The following PCBP2 variants were observed in gnomAD, a reference collection of about 807,000 sequenced individuals.
PCBP2 encodes the protein poly(rC) binding protein 2.
Under a neutral mutation model 50.1 loss-of-function variants are expected in PCBP2, and 4 were observed. The ratio of observed to expected loss-of-function variants is 0.08; its 90% CI spans 0.04 to 0.18. PCBP2 has a LOEUF of 0.18. PCBP2 is among the 10% of genes least tolerant of loss of function. The pLI is 1.00. For missense variants in PCBP2, 161 were observed against 474.3 expected (o/e 0.34, Z 6.14); for synonymous variants, 179 against 168.0 (o/e 1.07, Z -0.51).
rs371900794 is a variant in PCBP2 at position 53,459,415 on chromosome 12, T to C, written c.375+12T>C. 1.7e-5 allele frequency: 27 copies of C among 1,603,728 alleles called. No individual in the cohort carries two copies. In the Admixed American group the frequency reaches 4.1e-4, roughly 24 times the overall value. ...AGGAAATACGAGAGGTTAGTGACTT[T>C]TGTCGTCCTTTTAGAAATGTTAACT... On this transcript the variant is annotated intron_variant, in intron 6 of 14. Coordinates refer to ENST00000546463, the MANE Select transcript of PCBP2 (RefSeq NM_031989.5).
chr12:53,459,798 A>G (rs1409851728), intron 6 of PCBP2: 1 of 425,096 alleles, frequency 2.4e-6, no homozygotes, highest in East Asian at 7.4e-5. Flanking sequence ...CTGTCTCCCC[A>G]GGCTGGAGTG....
At chr12:53,475,785 C>T (rs751339206) in intron 14 of PCBP2, 1 of 152,072 alleles carries the variant, frequency 6.6e-6, no homozygotes, top group Non-Finnish European at 1.5e-5. Flanking sequence ...GTCAATATTT[C>T]CACAAAGAGA....
intron 6 of PCBP2, among the ~76,000 whole-genome samples, 175 bp downstream of exon 6, chr12:53,459,578 A>C (rs1201150665): frequency 6.6e-6 from 1 of 152,210 alleles, no homozygotes; most frequent in Non-Finnish European, 1.5e-5. Context: ...TATTTTGCAT[A>C]ATTCATAAAT....
In PCBP2 at chr12:53,480,985, CTCAT is replaced by C. The variant is rs1943012369; in HGVS notation, c.*1549_*1552del. The stretch of plus-strand genomic sequence containing the variant: ...CTTAGCCACAGCTCTACGGCTGTGC[CTCAT>C]TCATTTCCACAGCTGCCAGTGTCCC... On this transcript the variant is annotated 3_prime_UTR_variant, in exon 15 of 15. Transcript: ENST00000546463. 5.2e-6 allele frequency: 1 copy of C among 191,272 alleles called. No individual in the cohort carries two copies. The highest frequency in any genetic ancestry group is 2.4e-5 in the African/African-American group (1 of 42,290). 11.8% of individuals were successfully genotyped at this position (191,272 alleles called of 1,614,324 possible). A position where few individuals can be genotyped will look rare whatever the true frequency, so the allele number is the denominator to read the frequency against.
intron 8 of PCBP2, 141 bp from the exon 9 acceptor site, chr12:53,464,619 C>T (rs1941693705): frequency 8.6e-6 from 10 of 1,156,504 alleles, no homozygotes; most frequent in African/African-American, 1.6e-5. Flanking sequence ...TCACTGATTA[C>T]AGCTCGTTTC....
At chr12:53,472,108 A>G (rs988626947) in intron 14 of PCBP2, among the ~76,000 whole-genome samples, 1 of 152,088 alleles carries the variant, frequency 6.6e-6, no homozygotes, top group Non-Finnish European at 1.5e-5. Context: ...CACTCACAAA[A>G]TCAAATGTGG....
At chr12:53,459,229 G>T in intron 5 of PCBP2, 43 bp from the exon 6 acceptor site, 1 of 1,532,300 alleles carries the variant, frequency 6.5e-7, no homozygotes, top group Non-Finnish European at 8.8e-7. Context: ...GCAGTTACTA[G>T]TTTCCAGGGA....
chr12:53,475,372 G>C (rs1003248721), intron 14 of PCBP2: 1 of 355,552 alleles, frequency 2.8e-6, no homozygotes, highest in Non-Finnish European at 5.6e-6. Context: ...GGTAACCCTT[G>C]TTTAGGTTTA....
rs1255717486 is a variant in PCBP2 at position 53,480,105 on chromosome 12, G to C, written c.*663G>C. On this transcript the variant is annotated 3_prime_UTR_variant, in exon 15 of 15. Coordinates refer to ENST00000546463, the MANE Select transcript of PCBP2 (RefSeq NM_031989.5). ...GGAGTAGGCAAGCACTTCCACTAGGGAGGGGGTGGGGGAAAGGAATGACAC... is the reference window on the plus strand; with the variant it reads ...GGAGTAGGCAAGCACTTCCACTAGGCAGGGGGTGGGGGAAAGGAATGACAC... 2.0e-5 allele frequency: 3 copies of C among 152,046 alleles called. No homozygotes were observed. The highest frequency in any genetic ancestry group is 4.4e-5 in the Non-Finnish European group (3 of 68,008). The allele number at this position is 152,046 out of a possible 1,614,324, so 9.4% of individuals were successfully genotyped here.
intron 12 of PCBP2, 128 bp downstream of exon 12, chr12:53,467,971 A>AT: frequency 1.3e-6 from 1 of 788,318 alleles, no homozygotes; most frequent in Non-Finnish European, 2.1e-6. Flanking sequence ...TGAGAGAGCA[A>AT]AGGGGTGGGC....
chr12:53,468,916 C>CTTT, intron 13 of PCBP2, 84 bp downstream of exon 13: 1 of 841,380 alleles, frequency 1.2e-6, no homozygotes, highest in Non-Finnish European at 1.8e-6. Context: ...GTCCTGCTAC[C>CTTT]CTTTTTTTTT....
intron 13 of PCBP2, among the ~76,000 whole-genome samples, chr12:53,470,414 T>C (rs1025547278): frequency 2.1e-5 from 3 of 143,988 alleles, no homozygotes; most frequent in Non-Finnish European, 4.5e-5. Flanking sequence ...TGTAGTGGCT[T>C]TTTTTTTTGA....
At chr12:53,460,145 CT>C (rs35129195) in intron 6 of PCBP2, 12,106 of 189,132 alleles carry the variant, frequency 0.064, no homozygotes, top group South Asian at 0.19. Flanking sequence ...AATTCTACAT[CT>C]TTTTTTTTTT....
intron 13 of PCBP2, 22 bp downstream of exon 13, chr12:53,468,854 G>A (rs1459701412): frequency 6.3e-7 from 1 of 1,582,626 alleles, no homozygotes; most frequent in African/African-American, 1.4e-5. Context: ...TAGGTTGCAT[G>A]GGATGAAAAT....
chr12:53,476,113 C>T (rs1276440042), intron 14 of PCBP2: 1 of 152,194 alleles, frequency 6.6e-6, no homozygotes, highest in East Asian at 1.9e-4. Context: ...ATATCTCAGC[C>T]AACCCGTGAC....
intron 9 of PCBP2, among the ~76,000 whole-genome samples, chr12:53,465,417 C>G (rs1402319421): frequency 1.3e-5 from 2 of 152,146 alleles, no homozygotes; most frequent in Non-Finnish European, 2.9e-5. Context: ...GTTAGGGACT[C>G]AGCTAGCATC....
At chr12:53,460,453 C>T (rs1329839410) in intron 6 of PCBP2, 1 of 270,072 alleles carries the variant, frequency 3.7e-6, no homozygotes, top group Non-Finnish European at 7.7e-6. Flanking sequence ...GCCCCTACTT[C>T]CTGTTTAACT....
At chr12:53,465,849 G>C (rs1751022539) in intron 9 of PCBP2, 83 bp from the exon 10 acceptor site, 1 of 1,057,948 alleles carries the variant, frequency 9.5e-7, no homozygotes, top group African/African-American at 1.6e-5. Context: ...CTGGCTTCCT[G>C]GCTAGTTGAA....
intron 14 of PCBP2, among the ~76,000 whole-genome samples, chr12:53,472,214 T>A (rs1942293240): frequency 6.6e-6 from 1 of 152,118 alleles, no homozygotes; most frequent in African/African-American, 2.4e-5. Flanking sequence ...GACATTGGAG[T>A]AATAGGACAG....
Sources: gnomAD v4.1 joint callset for allele counts (sites outside exome capture counted in the v4.1 genomes callset) on GRCh38, gnomAD v4.1.1 for gene constraint, MANE v1.5 for transcripts, NCBI Gene and HGNC (gene_info 2026-07-23, HGNC 2026-07-21) for gene names.